DNM2: variants seen among roughly 807,000 people sequenced by gnomAD.
The protein encoded by DNM2 is dynamin 2.
A neutral mutation model predicts 99.0 loss-of-function variants in DNM2; 15 were observed. That is an observed-to-expected ratio of 0.15 (90% CI 0.10 to 0.23). DNM2 has a LOEUF of 0.23. DNM2 is among the 10% of genes least tolerant of loss of function. The pLI is 1.00. For missense variants in DNM2, 742 were observed against 1,189.4 expected (o/e 0.62, Z 5.53); for synonymous variants, 525 against 481.2 (o/e 1.09, Z -1.19).
Position 10,830,413 on chromosome 19 carries a change from C to G in DNM2, c.2543+35C>G. 6.3e-7 allele frequency: 1 copy of G among 1,599,206 alleles called. No homozygotes were observed. The highest frequency in any genetic ancestry group is 8.5e-7 in the Non-Finnish European group (1 of 1,176,296). On this transcript the variant is annotated intron_variant, in intron 20 of 20. Transcript: ENST00000389253. The surrounding 1 kb of genome is among the most constrained non-coding windows in gnomAD (Gnocchi z 4.8). Reference sequence around the variant, plus strand: ...ACCCCCTGCCCTCCACCCCAACTGCCTGCACCCTGGGGTCTCTCCTCCTGT... The same window carrying G: ...ACCCCCTGCCCTCCACCCCAACTGCGTGCACCCTGGGGTCTCTCCTCCTGT...
At chr19:10,761,395 T>TCAAG in intron 2 of DNM2, among the ~76,000 whole-genome samples, 1 of 152,146 alleles carries the variant, frequency 6.6e-6, no homozygotes, top group East Asian at 1.9e-4. Context: ...GATCTCAGTG[T>TCAAG]ATTTCTATTC....
chr19:10,768,182 G>T (rs913628109), intron 2 of DNM2, among the ~76,000 whole-genome samples: 5 of 152,066 alleles, frequency 3.3e-5, no homozygotes, highest in Non-Finnish European at 7.4e-5. Context: ...GGCCGGGCGC[G>T]GTGGCTCACA....
At chr19:10,723,707 TG>T (rs911788568) in intron 1 of DNM2, among the ~76,000 whole-genome samples, 3 of 152,254 alleles carry the variant, frequency 2.0e-5, no homozygotes, top group African/African-American at 7.2e-5. Context: ...AAATGTTTCC[TG>T]AGTACTTTTA....
intron 1 of DNM2, among the ~76,000 whole-genome samples, chr19:10,724,070 C>T (rs1360349089): frequency 8.4e-6 from 1 of 118,548 alleles, no homozygotes; most frequent in African/African-American, 3.7e-5. Flanking sequence ...GGCGGAAGAA[C>T]GAGACCTCGT....
rs769461123 is a variant in DNM2 at position 10,775,746 on chromosome 19, G to A, written c.429G>A (p.Val143=). The A allele has an allele frequency of 4.3e-6, 7 of 1,614,020 alleles. No individual in the cohort carries two copies. The highest frequency in any genetic ancestry group is 3.4e-6 in the Non-Finnish European group (4 of 1,180,038). ...TCGACCTCCCGGGTATCACCAAGGTGCCTGTGGGCGACCAGCCTCCAGACA... is the reference window on the plus strand; with the variant it reads ...TCGACCTCCCGGGTATCACCAAGGTACCTGTGGGCGACCAGCCTCCAGACA... ...TLIDLPGITK[V]PVGDQPPDIE... is the part of the protein sequence containing the mutation. Residue 143 remains valine (V), a synonymous_variant, in exon 4 of 21, where the codon GTG becomes GTA. Transcript: ENST00000389253. The surrounding 1 kb of genome is among the most constrained non-coding windows in gnomAD (Gnocchi z 4.3).
chr19:10,787,540 G>C (rs1409313812), intron 7 of DNM2, among the ~76,000 whole-genome samples: 1 of 151,692 alleles, frequency 6.6e-6, no homozygotes, highest in Non-Finnish European at 1.5e-5. Context: ...GCTGAGGTGG[G>C]TGGATCACCA....
rs1306925586 is a variant in DNM2, at chr19:10,772,271, G to A, written c.236-208G>A. Among the ~76,000 whole-genome samples, 1 of 151,968 alleles carries A rather than the reference G, an allele frequency of 6.6e-6. No homozygotes were observed. Among genetic ancestry groups the A allele is most frequent in the African/African-American group, 2.4e-5 (1 of 41,358 alleles). On this transcript the variant is annotated intron_variant, in intron 2 of 20. Coordinates refer to ENST00000389253, the MANE Select transcript of DNM2 (RefSeq NM_001005361.3). This position sits in a 1 kb window ranked among gnomAD's most constrained non-coding sequence, Gnocchi z 4.9. The stretch of plus-strand genomic sequence containing the variant: ...ATTTTTTGTATTTTTAGTAGAGACA[G>A]GGTTTCACCATGTTAGTGAGGATGG...
At chr19:10,824,999 G>C in intron 17 of DNM2, 58 bp from the exon 18 acceptor site, 1 of 1,611,068 alleles carries the variant, frequency 6.2e-7, no homozygotes, top group Non-Finnish European at 8.5e-7. Context: ...GGTTTCCAGA[G>C]AACCAGGACT....
rs141698184 is a variant in DNM2 at position 10,738,364 on chromosome 19, C to T, written c.161+19961C>T. On this transcript the variant is annotated intron_variant, in intron 1 of 20. Transcript: ENST00000389253. The stretch of plus-strand genomic sequence containing the variant: ...GGGCATGGTGGCTCACGCCCATAGA[C>T]CCAGCACTTTGGGAGGCTGAGGTGG... Among the ~76,000 whole-genome samples, 985 of 152,326 alleles carry T rather than the reference C, an allele frequency of 6.5e-3. 20 individuals carry two copies. The highest frequency in any genetic ancestry group is 0.023 in the African/African-American group (937 of 41,562).
intron 1 of DNM2, among the ~76,000 whole-genome samples, chr19:10,732,097 G>A (rs1420228381): frequency 2.6e-5 from 4 of 151,494 alleles, no homozygotes; most frequent in African/African-American, 9.7e-5. Flanking sequence ...TGTGATTACA[G>A]GCGTGCACCA....
At chr19:10,726,269 C>A (rs1157585577) in intron 1 of DNM2, among the ~76,000 whole-genome samples, 3 of 151,320 alleles carry the variant, frequency 2.0e-5, no homozygotes, top group Non-Finnish European at 4.4e-5. Context: ...CTTTGTTGCT[C>A]AGTTTGGTGT....
rs1159130724 is a variant in DNM2 at position 10,775,606 on chromosome 19, C to T, written c.386-97C>T. 12 of 1,375,016 alleles carry T rather than the reference C, an allele frequency of 8.7e-6. No homozygotes were observed. Among genetic ancestry groups the T allele is most frequent in the South Asian group, 2.3e-5 (2 of 85,602 alleles). The allele number at this position is 1,375,016 out of a possible 1,614,324, so 85.2% of individuals were successfully genotyped here. On this transcript the variant is annotated intron_variant, in intron 3 of 20. Transcript: ENST00000389253. The surrounding 1 kb of genome is among the most constrained non-coding windows in gnomAD (Gnocchi z 4.3). ...AGGCGACATCCTCAAGTCTGAGCCC[C>T]GCGCAGGAACTTTGGTAGTCAGCTG...
At chr19:10,828,401 CAG>C (rs1402032112) in intron 18 of DNM2, among the ~76,000 whole-genome samples, 5 of 151,542 alleles carry the variant, frequency 3.3e-5, no homozygotes, top group Non-Finnish European at 7.4e-5. Context: ...TCCTGGCTAA[CAG>C]GGTGAAACCC....
At chr19:10,781,715 C>G (rs2071382575) in intron 5 of DNM2, 1 of 152,212 alleles carries the variant, frequency 6.6e-6, no homozygotes, top group Admixed American at 6.5e-5. Flanking sequence ...CACCACTGCA[C>G]TTCAGCCTGG....
chr19:10,741,254 A>G (rs1427631854), intron 1 of DNM2, among the ~76,000 whole-genome samples: 1 of 152,046 alleles, frequency 6.6e-6, no homozygotes. Context: ...TTTTGGAGAC[A>G]CGGTCTTGCT....
chr19:10,763,067 TTTG>T (rs1002487721), intron 2 of DNM2: 7 of 152,508 alleles, frequency 4.6e-5, no homozygotes, highest in African/African-American at 1.7e-4. Flanking sequence ...TGTCTCCTTT[TTTG>T]TTTTGTTTTG....
chr19:10,746,727 G>GGTT (rs2069991165), intron 1 of DNM2, among the ~76,000 whole-genome samples: 1 of 116,210 alleles, frequency 8.6e-6, no homozygotes, highest in South Asian at 2.6e-4. Context: ...CTTTTTTTTT[G>GGTT]TTTTTTGTTT....
chr19:10,819,044 C>T (rs913940365), intron 15 of DNM2, among the ~76,000 whole-genome samples: 3 of 152,100 alleles, frequency 2.0e-5, no homozygotes, highest in African/African-American at 7.2e-5. Flanking sequence ...TGCCCCTGGC[C>T]GAGGGGCCCA....
At position 10,793,729 on chromosome 19, in the gene DNM2, G is replaced by A. The variant is rs549033523; in HGVS notation, c.1002G>A (p.Gln334=). The A allele has an allele frequency of 1.9e-6, 3 of 1,614,200 alleles. No homozygotes were observed. The highest frequency in any genetic ancestry group is 2.2e-5 in the South Asian group (2 of 91,086). Residue 334 remains glutamine (Q), a synonymous_variant, in exon 8 of 21, where the codon CAG becomes CAA. Coordinates refer to ENST00000389253, the MANE Select transcript of DNM2 (RefSeq NM_001005361.3). The part of the protein sequence containing the change: ...RKTKALLQMV[Q]QFGVDFEKRI... ...TTCCTTTTCCTCATAGGATGGTCCA[G>A]CAGTTTGGGGTGGATTTTGAGAAGA...
Sources: gnomAD v4.1 joint callset for allele counts (sites outside exome capture counted in the v4.1 genomes callset) on GRCh38, gnomAD v4.1.1 for gene constraint, Gnocchi (gnomAD v3.1) non-coding constraint, MANE v1.5 for transcripts, NCBI Gene and HGNC (gene_info 2026-07-23, HGNC 2026-07-21) for gene names.